Variants in TRHDE observed in about 807,000 individuals in gnomAD.
TRHDE encodes thyrotropin releasing hormone degrading enzyme.
Under a neutral mutation model 125.7 loss-of-function variants are expected in TRHDE, and 72 were observed. The observed-to-expected ratio is 0.57, with a 90% CI of 0.47 to 0.70. The LOEUF (loss-of-function observed/expected upper bound fraction) is 0.70. TRHDE is among the 30% of genes least tolerant of loss of function. The pLI is 0.00. For missense variants in TRHDE, 1,110 were observed against 1,327.1 expected (o/e 0.84, Z 2.54); for synonymous variants, 509 against 509.1 (o/e 1.00, Z 0.00).
chr12:72,307,408 C>T (rs2135695327), intron 2 of TRHDE, among the ~76,000 whole-genome samples: 1 of 150,620 alleles, frequency 6.6e-6, no homozygotes, highest in Non-Finnish European at 1.5e-5. Flanking sequence ...CTCCTGGCGT[C>T]AAGTGGATCC....
chr12:72,559,104 T>A (rs960629384), intron 7 of TRHDE, among the ~76,000 whole-genome samples: 2 of 152,148 alleles, frequency 1.3e-5, no homozygotes, highest in African/African-American at 4.8e-5. Context: ...AATATTACGG[T>A]TTTCATGTGC....
Position 72,667,484 on chromosome 12 carries a change from G to C in TRHDE, c.*4289G>C, listed in dbSNP as rs1238251874. 2 of 151,300 alleles carry C rather than the reference G, an allele frequency of 1.3e-5. No homozygotes were observed. The highest frequency in any genetic ancestry group is 3.9e-4 in the East Asian group (2 of 5,160). The allele number at this position is 151,300 out of a possible 1,614,324, so 9.4% of individuals were successfully genotyped here. A position where few individuals can be genotyped will look rare whatever the true frequency, so the allele number is the denominator to read the frequency against. On this transcript the variant is annotated 3_prime_UTR_variant, in exon 19 of 19. Coordinates refer to ENST00000261180, the MANE Select transcript of TRHDE (RefSeq NM_013381.3). ...TTATTGAGCATCTTTTATTTCACAA[G>C]GCACTTAGTGAGGGAAAGGAATACA...
intron 12 of TRHDE, among the ~76,000 whole-genome samples, chr12:72,602,001 T>C (rs1270232975): frequency 6.6e-6 from 1 of 152,146 alleles, no homozygotes; most frequent in Non-Finnish European, 1.5e-5. Flanking sequence ...TAAAATTTAT[T>C]TGGTGAAGAA....
chr12:72,223,742 C>G (rs1177686251), intron 2 of TRHDE, among the ~76,000 whole-genome samples: 2 of 151,980 alleles, frequency 1.3e-5, no homozygotes, highest in African/African-American at 4.8e-5. Flanking sequence ...TTGACATGCC[C>G]TTTTTCATCC....
chr12:72,101,844 G>A (rs574985390), intron 1 of TRHDE, among the ~76,000 whole-genome samples: 89 of 152,272 alleles, frequency 5.8e-4, no homozygotes, highest in African/African-American at 2.0e-3. Flanking sequence ...ATGGTACAGC[G>A]TGGGTACCCT....
intron 6 of TRHDE, among the ~76,000 whole-genome samples, chr12:72,525,672 C>T (rs965267546): frequency 4.0e-5 from 6 of 148,162 alleles, no homozygotes; most frequent in Admixed American, 2.1e-4. Flanking sequence ...GGTGATTTTT[C>T]GGCTATTCAC....
Position 72,273,184 on chromosome 12 carries a change from TG to T in TRHDE, c.543del (p.Trp181Ter), listed in dbSNP as rs1879324712. ...SEEEREPWEPWTQLRLSGHLK... is the reference protein window; with the variant it reads ...SEEEREPWEPXTQLRLSGHLK... ...GGAGGAGCGGGAGCCGTGGGAGCCG[TG>T]GACGCAGCTGCGCCTGTCGGGCCAC... On this transcript the variant is annotated frameshift_variant, in exon 1 of 19. Transcript: ENST00000261180. LOFTEE classifies it high-confidence loss of function. This position sits in a 1 kb window ranked among gnomAD's most constrained non-coding sequence, Gnocchi z 5.3. 1 of 1,596,800 alleles carries T rather than the reference TG, an allele frequency of 6.3e-7. No individual in the cohort carries two copies. Among genetic ancestry groups the T allele is most frequent in the Admixed American group, 1.7e-5 (1 of 59,582 alleles).
intron 2 of TRHDE, among the ~76,000 whole-genome samples, chr12:72,165,621 C>T (rs769506498): frequency 6.6e-6 from 1 of 151,700 alleles, no homozygotes; most frequent in Non-Finnish European, 1.5e-5. Context: ...TATAAACATA[C>T]ATAGTCACAC....
chr12:72,307,113 G>A (rs1418006997), intron 2 of TRHDE, among the ~76,000 whole-genome samples: 2 of 152,210 alleles, frequency 1.3e-5, no homozygotes, highest in East Asian at 1.9e-4. Flanking sequence ...TGAGTGCTAT[G>A]GGAAGCCTTT....
chr12:72,177,751 G>A (rs1372159303), intron 2 of TRHDE, among the ~76,000 whole-genome samples: 1 of 151,794 alleles, frequency 6.6e-6, no homozygotes, highest in Non-Finnish European at 1.5e-5. Flanking sequence ...TCCCCCAAAT[G>A]TGTAAAATAA....
chr12:72,642,442 A>G (rs1449686216), intron 15 of TRHDE, among the ~76,000 whole-genome samples: 1 of 152,196 alleles, frequency 6.6e-6, no homozygotes, highest in African/African-American at 2.4e-5. Flanking sequence ...AATCCTATTT[A>G]AAATGAGAAT....
rs1878395323 is a variant in TRHDE at position 72,238,321 on chromosome 12, T to TATAC, written n.279+132570_279+132571insTACA. On this transcript the variant is annotated intron_variant and non_coding_transcript_variant, in intron 2 of 4. Coordinates refer to the TRHDE transcript ENST00000548156. ...ATATATATATATATATATATATATA[T>TATAC]ACATATATATATACACATTATATAT... 5.6e-4 allele frequency among the ~76,000 whole-genome samples: 17 copies of TATAC among 30,140 alleles called. 2 individuals carry two copies. The highest frequency in any genetic ancestry group is 9.7e-4 in the Non-Finnish European group (14 of 14,386). The allele number at this position is 30,140 out of a possible 152,430, so 19.8% of individuals were successfully genotyped here. A position where few individuals can be genotyped will look rare whatever the true frequency, so the allele number is the denominator to read the frequency against.
At chr12:72,191,559 C>T (rs888380935) in intron 2 of TRHDE, among the ~76,000 whole-genome samples, 33 of 152,016 alleles carry the variant, frequency 2.2e-4, no homozygotes, top group African/African-American at 7.3e-4. Context: ...TGTTTACATA[C>T]GAGTAAAGGT....
chr12:72,112,149 G>T lies in TRHDE; in HGVS notation n.279+6397G>T, dbSNP rs79304884. Among the ~76,000 whole-genome samples, 158 of 152,196 alleles carry T rather than the reference G, an allele frequency of 1.0e-3. 4 individuals carry two copies. The East Asian group carries it at 0.017, about 16-fold the overall frequency. On this transcript the variant is annotated intron_variant and non_coding_transcript_variant, in intron 2 of 4. Coordinates refer to the TRHDE transcript ENST00000548156. ...CACGGAGTATCTGGGAGCCAGGAGG[G>T]GACTGTGAAGTGAGTTTTAAAATAC...
intron 2 of TRHDE, among the ~76,000 whole-genome samples, chr12:72,347,484 T>G (rs1199482274): frequency 6.6e-6 from 1 of 152,104 alleles, no homozygotes; most frequent in African/African-American, 2.4e-5. Context: ...GCAATCCGAA[T>G]GCAGTTTAGC....
At chr12:72,219,190 A>G (rs1236119425) in intron 2 of TRHDE, among the ~76,000 whole-genome samples, 2 of 151,954 alleles carry the variant, frequency 1.3e-5, no homozygotes, top group African/African-American at 2.4e-5. Flanking sequence ...ACATTTTGGA[A>G]AAGACTGTAC....
At chr12:72,530,136 T>C (rs1407676518) in intron 6 of TRHDE, among the ~76,000 whole-genome samples, 2 of 152,132 alleles carry the variant, frequency 1.3e-5, no homozygotes, top group Admixed American at 1.3e-4. Flanking sequence ...TGTTAAAATA[T>C]TTTGATCCTG....
At chr12:72,185,452 G>A (rs1272029595) in intron 2 of TRHDE, among the ~76,000 whole-genome samples, 6 of 152,396 alleles carry the variant, frequency 3.9e-5, no homozygotes, top group African/African-American at 9.6e-5. Context: ...AGGACTGGCA[G>A]GCAGCTCCAC....
chr12:72,531,992 A>C (rs1868580721), intron 6 of TRHDE, among the ~76,000 whole-genome samples: 1 of 152,080 alleles, frequency 6.6e-6, no homozygotes, highest in South Asian at 2.1e-4. Context: ...GTGAAAAAGA[A>C]ATTATTTTGA....
Sources: allele counts gnomAD v4.1 joint callset (sites outside exome capture counted in the v4.1 genomes callset), GRCh38; gene constraint gnomAD v4.1.1; non-coding constraint Gnocchi (gnomAD v3.1); transcripts MANE v1.5; gene names NCBI Gene and HGNC (gene_info 2026-07-23, HGNC 2026-07-21).